DAB1: variants seen among roughly 807,000 people sequenced by gnomAD.
The protein encoded by DAB1 is disabled homolog 1.
A neutral mutation model predicts 64.6 loss-of-function variants in DAB1; 15 were observed. That is an observed-to-expected ratio of 0.23 (90% CI 0.16 to 0.36). The LOEUF (loss-of-function observed/expected upper bound fraction) is 0.36, where lower values mean the gene tolerates loss of function less well. Among genes scored for constraint, DAB1 ranks in the 10% least tolerant of loss-of-function variants. The pLI, the probability that DAB1 is intolerant of heterozygous loss-of-function variation, is 1.00. For synonymous variants in DAB1, 235 were observed against 251.9 expected, an observed-to-expected ratio of 0.93 and a Z score of 0.64; for missense variants, 596 against 706.7, an observed-to-expected ratio of 0.84 and a Z score of 1.78.
chr1:58,389,750 G>C (rs1050384134), intron 3 of DAB1, among the ~76,000 whole-genome samples: 3 of 152,216 alleles, frequency 2.0e-5, no homozygotes, highest in African/African-American at 7.2e-5. Context: ...TGCTAGAATA[G>C]TAAGCTCAGT....
chr1:57,082,008 T>A (rs1652598752), intron 4 of DAB1, among the ~76,000 whole-genome samples: 1 of 152,180 alleles, frequency 6.6e-6, no homozygotes, highest in African/African-American at 2.4e-5. Flanking sequence ...CTCCTAGCAC[T>A]GTTCACCAAA....
At chr1:57,226,162 T>C (rs1200319925) in intron 2 of DAB1, among the ~76,000 whole-genome samples, 1 of 152,196 alleles carries the variant, frequency 6.6e-6, no homozygotes, top group African/African-American at 2.4e-5. Flanking sequence ...TTTAAGTACA[T>C]CATCCATTCT....
intron 7 of DAB1, among the ~76,000 whole-genome samples, chr1:57,443,739 C>T (rs1386645249): frequency 6.6e-6 from 1 of 152,196 alleles, no homozygotes; most frequent in Non-Finnish European, 1.5e-5. Context: ...CTACCTCCAA[C>T]ATGGAACTCC....
At chr1:57,819,329 T>C (rs1356887216) in intron 6 of DAB1, among the ~76,000 whole-genome samples, 1 of 152,252 alleles carries the variant, frequency 6.6e-6, no homozygotes, top group Non-Finnish European at 1.5e-5. Flanking sequence ...GCTATTCATT[T>C]CTAAAAACAG....
intron 6 of DAB1, among the ~76,000 whole-genome samples, chr1:57,681,229 G>A (rs780260930): frequency 2.6e-5 from 4 of 152,092 alleles, no homozygotes; most frequent in Non-Finnish European, 5.9e-5. Flanking sequence ...TGCCTTCATC[G>A]TCACATGGTA....
chr1:58,188,530 C>A (rs1257706614), intron 4 of DAB1, among the ~76,000 whole-genome samples: 1 of 152,180 alleles, frequency 6.6e-6, no homozygotes, highest in African/African-American at 2.4e-5. Flanking sequence ...AATCGTATAA[C>A]CCCTAAGGCC....
chr1:57,278,277 C>T (rs182247697), intron 2 of DAB1, among the ~76,000 whole-genome samples: 96 of 152,322 alleles, frequency 6.3e-4, no homozygotes, highest in Non-Finnish European at 1.1e-3. Flanking sequence ...TTATCAAACT[C>T]ATAATTCTCT....
chr1:57,871,888 G>A lies in DAB1; in HGVS notation n.87+12111C>T, dbSNP rs74074545. Among the ~76,000 whole-genome samples the A allele has an allele frequency of 7.8e-3, 1,186 of 152,166 alleles. 15 individuals are homozygous for A. Among genetic ancestry groups the A allele is most frequent in the African/African-American group, 0.027 (1,140 of 41,512 alleles). The stretch of plus-strand genomic sequence containing the variant: ...CTCTCCTAGATCACTTCCTTTCTCT[G>A]TGCTCAAGATGTAAGTTTATTTGTT... On this transcript the variant is annotated intron_variant and non_coding_transcript_variant, in intron 1 of 1. Coordinates refer to the DAB1 transcript ENST00000477280.
intron 6 of DAB1, among the ~76,000 whole-genome samples, chr1:57,656,668 A>C (rs1646322935): frequency 6.6e-6 from 1 of 152,222 alleles, no homozygotes; most frequent in Non-Finnish European, 1.5e-5. Context: ...TAAACGTTTT[A>C]ATAAGCACTA....
intron 7 of DAB1, among the ~76,000 whole-genome samples, chr1:57,532,243 G>A (rs112642654): frequency 0.014 from 1,208 of 88,422 alleles, 8 homozygotes; most frequent in Non-Finnish European, 0.021. Flanking sequence ...TGGTGTGGGC[G>A]TGGAGATTCT....
chr1:57,306,513 CT>C (rs1166241090), intron 1 of DAB1, among the ~76,000 whole-genome samples: 3,012 of 114,280 alleles, frequency 0.026, 39 homozygotes, highest in African/African-American at 0.057. Context: ...TTAGAACAGG[CT>C]TTTTTTTTTT....
chr1:57,281,081 CT>C (rs1471592353), intron 2 of DAB1, among the ~76,000 whole-genome samples: 2 of 152,186 alleles, frequency 1.3e-5, no homozygotes, highest in African/African-American at 2.4e-5. Context: ...CATTCATTTA[CT>C]CCCTTATTCA....
chr1:57,338,631 G>GT (rs1677298889), intron 1 of DAB1, among the ~76,000 whole-genome samples: 1 of 152,132 alleles, frequency 6.6e-6, no homozygotes, highest in Admixed American at 6.5e-5. Context: ...CCCATATGTA[G>GT]TATCTATTTC....
At chr1:58,385,655 C>T (rs1224408568) in intron 3 of DAB1, among the ~76,000 whole-genome samples, 1 of 152,214 alleles carries the variant, frequency 6.6e-6, no homozygotes, top group Non-Finnish European at 1.5e-5. Context: ...TCCATTTTAT[C>T]ATTCATTTTT....
chr1:57,369,552 A>G (rs1463172050), intron 1 of DAB1, among the ~76,000 whole-genome samples: 1 of 152,182 alleles, frequency 6.6e-6, no homozygotes, highest in East Asian at 1.9e-4. Context: ...GTTATAGAGG[A>G]CGTTTTATGA....
intron 3 of DAB1, among the ~76,000 whole-genome samples, chr1:58,413,509 G>C (rs1299572980): frequency 1.3e-5 from 2 of 152,072 alleles, no homozygotes; most frequent in Admixed American, 6.5e-5. Context: ...CCATCAAACT[G>C]CACTGTCTCC....
rs549776975 is a variant in DAB1 at position 57,212,430 on chromosome 1, C to G, written c.68-67001G>C. On this transcript the variant is annotated intron_variant, in intron 2 of 14. Coordinates refer to ENST00000371236, the MANE Select transcript of DAB1 (RefSeq NM_001365792.1). ...TTGCCCAGGCTGGAGTGCAGTGGCG[C>G]GATCTCAGCTCACTGCAAGCTCCAC... 1.2e-4 allele frequency among the ~76,000 whole-genome samples: 16 copies of G among 130,642 alleles called. No individual in the cohort carries two copies. The South Asian group carries it at 3.4e-3, about 28-fold the overall frequency. The allele number at this position is 130,642 out of a possible 152,430, so 85.7% of individuals were successfully genotyped here. A position where few individuals can be genotyped will look rare whatever the true frequency, so the allele number is the denominator to read the frequency against.
At chr1:57,802,118 A>C (rs1283809318) in intron 6 of DAB1, among the ~76,000 whole-genome samples, 1 of 152,214 alleles carries the variant, frequency 6.6e-6, no homozygotes, top group Non-Finnish European at 1.5e-5. Context: ...AAAAAGAGCC[A>C]AAAAGCTAAT....
chr1:57,941,267 G>T (rs1645100030), intron 5 of DAB1, among the ~76,000 whole-genome samples: 2 of 152,168 alleles, frequency 1.3e-5, no homozygotes, highest in South Asian at 4.1e-4. Flanking sequence ...TAGTTTATAA[G>T]GTGCTTTGGT....
Sources: gnomAD v4.1 joint callset for allele counts (sites outside exome capture counted in the v4.1 genomes callset) on GRCh38, gnomAD v4.1.1 for gene constraint, MANE v1.5 for transcripts, NCBI Gene and HGNC (gene_info 2026-07-23, HGNC 2026-07-21) for gene names.